The following PRKCZ variants were observed in gnomAD, a reference collection of about 807,000 sequenced individuals.
The protein encoded by PRKCZ is protein kinase C zeta.
In PRKCZ, 33 loss-of-function variants were observed where a neutral mutation model predicts 79.5. The observed-to-expected ratio is 0.41, with a 90% confidence interval of 0.31 to 0.55. PRKCZ has a LOEUF of 0.55. Among genes scored for constraint, PRKCZ ranks in the 20% least tolerant of loss-of-function variants. The probability of loss-of-function intolerance (pLI) is 0.19; values close to 1 mark genes in which losing one functional copy is unlikely to be tolerated. For synonymous variants in PRKCZ, 342 were observed against 320.9 expected (o/e 1.07, Z -0.70); for missense variants, 578 against 813.5 (o/e 0.71, Z 3.52).
chr1:2,087,289 G>T (rs1044228515), intron 4 of PRKCZ, among the ~76,000 whole-genome samples: 1 of 152,068 alleles, frequency 6.6e-6, no homozygotes, highest in African/African-American at 2.4e-5. Context: ...CACCATGTTG[G>T]CCAGGCTGGT....
chr1:2,051,401 C>T (rs1659637877), intron 1 of PRKCZ, among the ~76,000 whole-genome samples: 1 of 152,202 alleles, frequency 6.6e-6, no homozygotes, highest in Non-Finnish European at 1.5e-5. Flanking sequence ...CTCACAGGCA[C>T]AGCGGAGGGG....
chr1:2,093,665 C>CT (rs1443340981), intron 4 of PRKCZ, among the ~76,000 whole-genome samples: 4 of 152,114 alleles, frequency 2.6e-5, no homozygotes, highest in Non-Finnish European at 5.9e-5. Flanking sequence ...CCTGTACCCT[C>CT]TAAGTTGGGA....
chr1:2,051,738 G>A (rs1659682215), intron 1 of PRKCZ, among the ~76,000 whole-genome samples: 1 of 152,130 alleles, frequency 6.6e-6, no homozygotes. Context: ...GGTCTCTATG[G>A]TGCCCTGCGA....
rs905089527 is a variant in PRKCZ at position 2,135,255 on chromosome 1, T to A, written c.335-7T>A. 6 of 1,610,360 alleles carry A rather than the reference T, an allele frequency of 3.7e-6. No individual in the cohort carries two copies. The African/African-American group carries it at 8.0e-5, about 22-fold the overall frequency. ...GTTTCTTTACACCTTTCTCATATCC[T>A]TTCCAGAATCTATCTACCGCCGGGG... On this transcript the variant is annotated splice_polypyrimidine_tract_variant and splice_region_variant and intron_variant, in intron 4 of 17. Coordinates refer to ENST00000378567, the MANE Select transcript of PRKCZ (RefSeq NM_002744.6).
In PRKCZ at chr1:2,118,988, C is replaced by T. The variant is rs372730691; in HGVS notation, c.335-16274C>T. 1.8e-4 allele frequency among the ~76,000 whole-genome samples: 27 copies of T among 151,988 alleles called. 1 individual carries two copies. The highest frequency in any genetic ancestry group is 1.7e-3 in the South Asian group (8 of 4,798). The stretch of plus-strand genomic sequence containing the variant: ...ATCTTGCTATGGGTCCTTATTTGTC[C>T]GGTCTGTTCTTTGTTTTGTCCCTCT... On this transcript the variant is annotated intron_variant, in intron 4 of 17. Transcript: ENST00000378567.
In PRKCZ at chr1:2,110,494, C is replaced by T. The variant is rs574470368; in HGVS notation, c.335-24768C>T. ...ACAGAGACTCCTCTGGTACCAGGGTCCCCTGAATCTCCGGAGTCCCCCAAG... is the reference window on the plus strand; with the variant it reads ...ACAGAGACTCCTCTGGTACCAGGGTTCCCTGAATCTCCGGAGTCCCCCAAG... On this transcript the variant is annotated intron_variant, in intron 4 of 17. Coordinates refer to ENST00000378567, the MANE Select transcript of PRKCZ (RefSeq NM_002744.6). 1.3e-4 allele frequency among the ~76,000 whole-genome samples: 20 copies of T among 152,290 alleles called. 1 individual carries two copies. The South Asian group carries it at 3.5e-3, about 27-fold the overall frequency.
intron 10 of PRKCZ, among the ~76,000 whole-genome samples, chr1:2,166,265 A>C (rs1683297414): frequency 6.6e-6 from 1 of 152,100 alleles, no homozygotes; most frequent in African/African-American, 2.4e-5. Context: ...CAAAAAATTT[A>C]AAAATTAGCT....
chr1:2,054,511 G>A (rs1283547512), intron 1 of PRKCZ, among the ~76,000 whole-genome samples: 1 of 151,908 alleles, frequency 6.6e-6, no homozygotes, highest in African/African-American at 2.4e-5. Context: ...AGCCCCTGGA[G>A]TTCAGGTCCT....
In PRKCZ at chr1:2,083,393, C is replaced by T. The variant is rs1034498308; in HGVS notation, c.334+23802C>T. On this transcript the variant is annotated intron_variant, in intron 4 of 17. Transcript: ENST00000378567. ...GAGCTTTTGGGTACGTGGGCTGTAG[C>T]TGCCAGTGTGAACTGTACTGAAAAT... is the stretch of plus-strand genomic sequence containing the variant. Among the ~76,000 whole-genome samples, 10 of 152,160 alleles carry T rather than the reference C, an allele frequency of 6.6e-5. No individual in the cohort carries two copies. In the South Asian group the frequency reaches 1.2e-3, roughly 19 times the overall value.
rs77291722 is a variant in PRKCZ at position 2,105,138 on chromosome 1, G to T, written c.335-30124G>T. On this transcript the variant is annotated intron_variant, in intron 4 of 17. Coordinates refer to ENST00000378567, the MANE Select transcript of PRKCZ (RefSeq NM_002744.6). ...AATTTCCCATCCCTGTGGCTTTGAA[G>T]GCATAAGTCACTGCGTCACGGCCAT... 3.1e-3 allele frequency among the ~76,000 whole-genome samples: 479 copies of T among 152,322 alleles called. 12 individuals are homozygous for T. The East Asian group carries it at 0.066, about 21-fold the overall frequency.
intron 1 of PRKCZ, among the ~76,000 whole-genome samples, chr1:2,054,460 G>C (rs977330734): frequency 6.6e-6 from 1 of 152,046 alleles, no homozygotes; most frequent in Non-Finnish European, 1.5e-5. Context: ...GCAGGGAAGT[G>C]CCAGCCTTCA....
At chr1:2,067,288 GT>G (rs1209106277) in intron 4 of PRKCZ, among the ~76,000 whole-genome samples, 1 of 152,178 alleles carries the variant, frequency 6.6e-6, no homozygotes, top group African/African-American at 2.4e-5. Context: ...GGGTTACTGT[GT>G]TGTTCAAGTT....
intron 4 of PRKCZ, among the ~76,000 whole-genome samples, chr1:2,126,334 G>A (rs1673886535): frequency 1.3e-5 from 2 of 152,200 alleles, no homozygotes; most frequent in South Asian, 4.1e-4. Flanking sequence ...GGGCTGCCCG[G>A]CTGGGGTCGT....
chr1:2,170,581 G>A (rs1024940728), intron 11 of PRKCZ, among the ~76,000 whole-genome samples: 2 of 152,170 alleles, frequency 1.3e-5, no homozygotes, highest in African/African-American at 2.4e-5. Flanking sequence ...GCTGGCCCCC[G>A]TCTCATCTCC....
chr1:2,136,145 G>A (rs1005392644), intron 5 of PRKCZ, among the ~76,000 whole-genome samples: 2 of 152,156 alleles, frequency 1.3e-5, no homozygotes, highest in Non-Finnish European at 2.9e-5. Flanking sequence ...CTGGGTGTAC[G>A]GCACCTCTGT....
chr1:2,164,601 C>T (rs530323368), intron 10 of PRKCZ, among the ~76,000 whole-genome samples: 1 of 152,348 alleles, frequency 6.6e-6, no homozygotes, highest in South Asian at 2.1e-4. Flanking sequence ...AGCTTAGATC[C>T]AGAATGGATG....
chr1:2,133,163 G>A (rs1032868530), intron 4 of PRKCZ, among the ~76,000 whole-genome samples: 3 of 152,180 alleles, frequency 2.0e-5, no homozygotes, highest in African/African-American at 7.2e-5. Flanking sequence ...TTTCCCAGGC[G>A]CACTGGGGGT....
At chr1:2,116,044 C>T (rs1424642974) in intron 4 of PRKCZ, among the ~76,000 whole-genome samples, 2 of 152,164 alleles carry the variant, frequency 1.3e-5, no homozygotes, top group Non-Finnish European at 2.9e-5. Flanking sequence ...CCAGCCGCAT[C>T]CTGGAGCTGT....
chr1:2,080,626 C>T (rs922655373), intron 4 of PRKCZ, among the ~76,000 whole-genome samples: 19 of 152,190 alleles, frequency 1.2e-4, no homozygotes, highest in African/African-American at 4.6e-4. Context: ...CATTCCCTCC[C>T]TGCTCCCTCC....
Sources: allele counts gnomAD v4.1 joint callset (sites outside exome capture counted in the v4.1 genomes callset), GRCh38; gene constraint gnomAD v4.1.1; transcripts MANE v1.5; gene names NCBI Gene and HGNC (gene_info 2026-07-23, HGNC 2026-07-21).